ZNF284: variants seen among roughly 807,000 people sequenced by gnomAD.
ZNF284 encodes the protein zinc finger protein 284.
In ZNF284, 12 loss-of-function variants were observed where a neutral mutation model predicts 12.9. The ratio of observed to expected loss-of-function variants is 0.93; its 90% CI spans 0.60 to 1.51. The LOEUF (loss-of-function observed/expected upper bound fraction) is 1.51. Among genes scored for constraint, ZNF284 ranks in the 40% most tolerant of loss-of-function variants. ZNF284 has a pLI of 0.00. For missense variants in ZNF284, 667 were observed against 707.3 expected, an observed-to-expected ratio of 0.94 and a Z score of 0.65; for synonymous variants, 225 against 236.5, an observed-to-expected ratio of 0.95 and a Z score of 0.45.
At chr19:44,083,502 G>GAGA (rs1568522599) in intron 4 of ZNF284, among the ~76,000 whole-genome samples, 2 of 37,916 alleles carry the variant, frequency 5.3e-5, no homozygotes, top group Non-Finnish European at 2.0e-4. Flanking sequence ...GAGAGAGAGA[G>GAGA]GGAATGGAAT....
At chr19:44,083,469 A>ATG (rs1967161805) in intron 4 of ZNF284, among the ~76,000 whole-genome samples, 1 of 67,238 alleles carries the variant, frequency 1.5e-5, no homozygotes. Flanking sequence ...ATATATATAT[A>ATG]TATATAGAGA....
At chr19:44,076,922 C>T (rs1376307251) in intron 2 of ZNF284, among the ~76,000 whole-genome samples, 1 of 151,538 alleles carries the variant, frequency 6.6e-6, no homozygotes, top group Non-Finnish European at 1.5e-5. Flanking sequence ...CGGGTTCAAG[C>T]GATTCTCCTG....
chr19:44,087,183 T>C lies in ZNF284; in HGVS notation c.1705T>C (p.Cys569Arg), dbSNP rs755567404. ...CCACAGTGGAGAAAAAACATCCAAATGTGAGGACTGTGGGAAGCGCTACGA... is the reference window on the plus strand; with the variant it reads ...CCACAGTGGAGAAAAAACATCCAAACGTGAGGACTGTGGGAAGCGCTACGA... ...SDHSGEKTSK[C>R]EDCGKRYERR... The change falls in exon 5 of 5, where the codon TGT becomes CGT. Residue 569 changes from cysteine to arginine, a missense_variant. By Grantham distance (180) the Cys-to-Arg change is radical. Transcript: ENST00000421176. The C allele has an allele frequency of 1.2e-5, 19 of 1,613,728 alleles. No homozygotes were observed. The highest frequency in any genetic ancestry group is 9.3e-6 in the Non-Finnish European group (11 of 1,179,750).
rs1315921559 is a variant in ZNF284, at chr19:44,086,032, G to T, written c.554G>T (p.Cys185Phe). The change falls in exon 5 of 5, where the codon TGT becomes TTT. Residue 185 changes from cysteine (C) to phenylalanine (F), a missense_variant. Coordinates refer to ENST00000421176, the MANE Select transcript of ZNF284 (RefSeq NM_001037813.4). ...HTCNEYRKRF[C>F]YSSALCLHQK... is the part of the protein sequence containing the mutation. Reference sequence around the variant, plus strand: ...TGTAATGAGTACAGGAAGAGATTCTGTTATAGCTCAGCTCTTTGTCTTCAT... The same window carrying T: ...TGTAATGAGTACAGGAAGAGATTCTTTTATAGCTCAGCTCTTTGTCTTCAT... The T allele has an allele frequency of 6.2e-7, 1 of 1,614,174 alleles. No homozygotes were observed. Among genetic ancestry groups the T allele is most frequent in the Admixed American group, 1.7e-5 (1 of 60,032 alleles).
At position 44,076,531 on chromosome 19, in the gene ZNF284, A is replaced by T. The variant is rs2147494795; in HGVS notation, c.15+127A>T. 6.6e-6 allele frequency: 6 copies of T among 913,226 alleles called. No individual in the cohort carries two copies. In the South Asian group the frequency reaches 1.0e-4, roughly 16 times the overall value. 56.6% of individuals were successfully genotyped at this position (913,226 alleles called of 1,614,324 possible). ...TATTTGTGCACCTGTTGTGTGCCAG[A>T]TGCTTCCTTGTTTCTTTTGTGTTGA... On this transcript the variant is annotated intron_variant, in intron 2 of 4. Coordinates refer to ENST00000421176, the MANE Select transcript of ZNF284 (RefSeq NM_001037813.4).
chr19:44,079,808 A>T (rs1191850194), intron 2 of ZNF284, among the ~76,000 whole-genome samples: 1 of 152,066 alleles, frequency 6.6e-6, no homozygotes, highest in Non-Finnish European at 1.5e-5. Flanking sequence ...CATGCTTGTA[A>T]TCCCAGCTAT....
chr19:44,079,715 CAAAA>C (rs1205897428), intron 2 of ZNF284, among the ~76,000 whole-genome samples: 1 of 149,878 alleles, frequency 6.7e-6, no homozygotes, highest in Admixed American at 6.6e-5. Context: ...TCAAAAAAAA[CAAAA>C]CAAAACAAAA....
At chr19:44,073,589 G>C (rs1424928224) in intron 1 of ZNF284, among the ~76,000 whole-genome samples, 3 of 150,894 alleles carry the variant, frequency 2.0e-5, no homozygotes, top group Non-Finnish European at 4.4e-5. Context: ...TGTTGCCCAG[G>C]CTGGAGTGCA....
intron 2 of ZNF284, among the ~76,000 whole-genome samples, chr19:44,077,160 G>A (rs934400073): frequency 2.6e-5 from 4 of 152,246 alleles, no homozygotes; most frequent in Admixed American, 2.6e-4. Context: ...GGCACTAGGA[G>A]CTCAGTTTTG....
At chr19:44,079,706 C>A (rs1967089303) in intron 2 of ZNF284, among the ~76,000 whole-genome samples, 1 of 149,842 alleles carries the variant, frequency 6.7e-6, no homozygotes, top group South Asian at 2.1e-4. Context: ...GACTCCATCT[C>A]AAAAAAAACA....
intron 3 of ZNF284, among the ~76,000 whole-genome samples, chr19:44,081,439 C>T (rs139189654): frequency 0.2 from 30,265 of 151,868 alleles, 3,148 homozygotes; most frequent in Middle Eastern, 0.23. Context: ...GGGCCGGGCG[C>T]GGTGGCTCAT....
At chr19:44,077,535 C>CTTTTTTTTTTTT (rs763788955) in intron 2 of ZNF284, among the ~76,000 whole-genome samples, 5 of 76,230 alleles carry the variant, frequency 6.6e-5, no homozygotes, top group South Asian at 4.8e-4. Flanking sequence ...ATTTTTCTGT[C>CTTTTTTTTTTTT]TTTTTTTTTT....
intron 4 of ZNF284, among the ~76,000 whole-genome samples, chr19:44,084,868 G>T (rs1284014484): frequency 6.6e-6 from 1 of 152,108 alleles, no homozygotes; most frequent in Non-Finnish European, 1.5e-5. Flanking sequence ...GTCTCAGGAA[G>T]TGTGTGGGTC....
intron 2 of ZNF284, among the ~76,000 whole-genome samples, chr19:44,080,302 TAA>T (rs146130059): frequency 6.6e-6 from 1 of 151,270 alleles, no homozygotes. Flanking sequence ...TGGCAGATAT[TAA>T]AAAAAAAATG....
chr19:44,086,194 G>C lies in ZNF284; in HGVS notation c.716G>C (p.Ser239Thr). The C allele has an allele frequency of 1.2e-6, 2 of 1,614,214 alleles. No homozygotes were observed. The highest frequency in any genetic ancestry group is 1.7e-6 in the Non-Finnish European group (2 of 1,180,028). ...KPFKCEQCGK[S>T]FSRRSGMYVH... ...TTCAAATGTGAGCAGTGTGGGAAAA[G>C]TTTCAGCCGTAGATCAGGAATGTAT... The change falls in exon 5 of 5, where the codon AGT becomes ACT. Residue 239 changes from serine (S) to threonine (T), a missense_variant. By Grantham distance (58) the Ser-to-Thr change is moderately conservative. Coordinates refer to ENST00000421176, the MANE Select transcript of ZNF284 (RefSeq NM_001037813.4).
At chr19:44,074,001 G>A (rs1599875588) in intron 1 of ZNF284, among the ~76,000 whole-genome samples, 1 of 152,112 alleles carries the variant, frequency 6.6e-6, no homozygotes, top group East Asian at 1.9e-4. Context: ...GAACTTACAT[G>A]TTATATCATG....
rs759687975 is a variant in ZNF284, at chr19:44,086,743, GAGA to G, written c.1273_1275del (p.Glu425del). 25 of 1,614,094 alleles carry G rather than the reference GAGA, an allele frequency of 1.5e-5. No individual in the cohort carries two copies. In the Admixed American group the frequency reaches 2.2e-4, roughly 14 times the overall value. ...GGCCATTCACATCAGAGAGCCTATA[GAGA>G]AGAAGAACTGTATAAATGTCAGAAG... On this transcript the variant is annotated inframe_deletion, in exon 5 of 5. Coordinates refer to ENST00000421176, the MANE Select transcript of ZNF284 (RefSeq NM_001037813.4).
rs1329329579 is a variant in ZNF284 at position 44,081,159 on chromosome 19, C to A, written c.142+18C>A. 6.2e-7 allele frequency: 1 copy of A among 1,603,940 alleles called. No individual in the cohort carries two copies. Among genetic ancestry groups the A allele is most frequent in the East Asian group, 2.2e-5 (1 of 44,580 alleles). On this transcript the variant is annotated intron_variant, in intron 3 of 4. Transcript: ENST00000421176. ...ATCAGTGGGTGAGCACAGGCACCCT[C>A]TGTAATGGAACATCAGGCCCCAGGA...
chr19:44,080,434 A>G (rs1248976741), intron 2 of ZNF284, among the ~76,000 whole-genome samples: 5 of 152,130 alleles, frequency 3.3e-5, no homozygotes, highest in African/African-American at 1.2e-4. Flanking sequence ...TAAAAATACA[A>G]AATTAGCTGG....
Sources: gnomAD v4.1 joint callset for allele counts (sites outside exome capture counted in the v4.1 genomes callset) on GRCh38, gnomAD v4.1.1 for gene constraint, MANE v1.5 for transcripts, NCBI Gene and HGNC (gene_info 2026-07-23, HGNC 2026-07-21) for gene names.